Variants in CPNE4 observed in about 807,000 individuals in gnomAD.
CPNE4 encodes the protein copine-4.
CPNE4 carries 25 observed loss-of-function variants against 67.9 expected under a neutral mutation model. The ratio of observed to expected loss-of-function variants is 0.37; its 90% CI spans 0.27 to 0.51. The LOEUF is 0.51. Ranked by LOEUF, CPNE4 falls within the 20% of genes least tolerant of loss-of-function variation. The pLI is 0.93. For synonymous variants in CPNE4, 242 were observed against 244.9 expected, an observed-to-expected ratio of 0.99 and a Z score of 0.11; for missense variants, 464 against 690.8, an observed-to-expected ratio of 0.67 and a Z score of 3.68.
rs559058835 is a variant in CPNE4 at position 131,639,609 on chromosome 3, G to A, written c.681+30066C>T. On this transcript the variant is annotated intron_variant, in intron 7 of 15. Coordinates refer to ENST00000429747, the MANE Select transcript of CPNE4 (RefSeq NM_130808.3). ...AAGAACTGGTACCAATTCTATTGAC[G>A]TTATTACAAAAGACAGAGAAAGAAG... 5.3e-5 allele frequency among the ~76,000 whole-genome samples: 8 copies of A among 152,020 alleles called. No individual in the cohort carries two copies. The East Asian group carries it at 9.7e-4, about 18-fold the overall frequency.
chr3:131,652,766 T>G (rs2079846561), intron 7 of CPNE4, among the ~76,000 whole-genome samples: 1 of 152,214 alleles, frequency 6.6e-6, no homozygotes, highest in African/African-American at 2.4e-5. Flanking sequence ...CTGAGTTCTC[T>G]TCTCTGAGAA....
intron 7 of CPNE4, among the ~76,000 whole-genome samples, chr3:131,611,657 CT>C (rs112352428): frequency 0.16 from 23,269 of 145,236 alleles, 2,198 homozygotes; most frequent in African/African-American, 0.27. Flanking sequence ...TCTAGAATGT[CT>C]TTTTTTTTTT....
intron 6 of CPNE4, among the ~76,000 whole-genome samples, chr3:131,682,895 T>G (rs7639398): frequency 0.91 from 138,333 of 151,916 alleles, 63,217 homozygotes; most frequent in African/African-American, 0.98. Flanking sequence ...ACAAGCAGAG[T>G]AGCCTCTCCC....
intron 5 of CPNE4, among the ~76,000 whole-genome samples, chr3:131,694,137 A>C (rs576347424): frequency 5.9e-5 from 9 of 152,200 alleles, no homozygotes; most frequent in Non-Finnish European, 1.3e-4. Context: ...CTACATATTC[A>C]TACTTCAATT....
intron 1 of CPNE4, among the ~76,000 whole-genome samples, chr3:131,997,333 TGGTCTTCACA>T (rs2073319807): frequency 6.6e-6 from 1 of 152,160 alleles, no homozygotes. Context: ...CTGTAGAGAC[TGGTCTTCACA>T]CAGCTGAAGA....
intron 2 of CPNE4, among the ~76,000 whole-genome samples, chr3:131,797,940 A>C (rs971461308): frequency 6.6e-6 from 1 of 152,096 alleles, no homozygotes; most frequent in Non-Finnish European, 1.5e-5. Context: ...AGATATAGGT[A>C]CCCGCCAATT....
At chr3:131,766,406 A>T (rs2083016851) in intron 2 of CPNE4, among the ~76,000 whole-genome samples, 1 of 152,108 alleles carries the variant, frequency 6.6e-6, no homozygotes, top group Admixed American at 6.6e-5. Context: ...TTAGTCAAAG[A>T]TGTCATTATG....
chr3:131,836,994 T>A (rs1447174981), intron 2 of CPNE4, among the ~76,000 whole-genome samples: 1 of 152,166 alleles, frequency 6.6e-6, no homozygotes, highest in African/African-American at 2.4e-5. Flanking sequence ...CACTAGATAT[T>A]AGGAATATGC....
rs367897078 is a variant in CPNE4, at chr3:131,808,245, G to A, written c.181-84620C>T. Among the ~76,000 whole-genome samples the A allele has an allele frequency of 2.6e-5, 4 of 152,212 alleles. No homozygotes were observed. In the East Asian group the frequency reaches 5.8e-4, roughly 22 times the overall value. ...AAGAAAAAATCCCACTCACTGTTAA[G>A]AGACAAATTAATTAACAGAATTAGA... is the stretch of plus-strand genomic sequence containing the variant. On this transcript the variant is annotated intron_variant, in intron 2 of 15. Transcript: ENST00000429747.
At chr3:131,661,168 A>G (rs1223162551) in intron 7 of CPNE4, among the ~76,000 whole-genome samples, 1 of 152,216 alleles carries the variant, frequency 6.6e-6, no homozygotes, top group Non-Finnish European at 1.5e-5. Context: ...TTCAATGAGA[A>G]AATTTAATCA....
At chr3:132,020,002 C>T (rs373182356) in intron 1 of CPNE4, among the ~76,000 whole-genome samples, 6 of 152,276 alleles carry the variant, frequency 3.9e-5, no homozygotes, top group Admixed American at 2.0e-4. Flanking sequence ...AAAGTCAAAC[C>T]GATTCCAAAT....
chr3:131,960,132 G>GAGGAGAGGGAGGC (rs1560685478), intron 1 of CPNE4, among the ~76,000 whole-genome samples: 2 of 151,892 alleles, frequency 1.3e-5, no homozygotes, highest in Non-Finnish European at 2.9e-5. Context: ...GAGAGGGAGG[G>GAGGAGAGGGAGGC]AGGAGAGGGA....
At position 131,568,936 on chromosome 3, in the gene CPNE4, T is replaced by G. The variant is rs551165650; in HGVS notation, c.928-4587A>C. Among the ~76,000 whole-genome samples the G allele has an allele frequency of 3.3e-5, 5 of 152,172 alleles. No homozygotes were observed. The South Asian group carries it at 1.0e-3, about 32-fold the overall frequency. On this transcript the variant is annotated intron_variant, in intron 10 of 15. Coordinates refer to ENST00000429747, the MANE Select transcript of CPNE4 (RefSeq NM_130808.3). ...TTGGGACCACATTCTTGGGGAGCTTTCTTTCTTTTCTTTTTAAATAGCTGT... is the reference window on the plus strand; with the variant it reads ...TTGGGACCACATTCTTGGGGAGCTTGCTTTCTTTTCTTTTTAAATAGCTGT...
At chr3:131,839,328 G>C (rs2085682828) in intron 2 of CPNE4, among the ~76,000 whole-genome samples, 1 of 151,694 alleles carries the variant, frequency 6.6e-6, no homozygotes, top group Non-Finnish European at 1.5e-5. Flanking sequence ...AATCTATAAA[G>C]ATAATATTGA....
chr3:131,947,122 G>T, intron 1 of CPNE4, among the ~76,000 whole-genome samples: 1 of 152,126 alleles, frequency 6.6e-6, no homozygotes, highest in East Asian at 1.9e-4. Flanking sequence ...CATAAATTTT[G>T]AAATCAAGAA....
chr3:131,567,393 C>T (rs1937113887), intron 10 of CPNE4, among the ~76,000 whole-genome samples: 1 of 151,580 alleles, frequency 6.6e-6, no homozygotes, highest in Admixed American at 6.6e-5. Context: ...ATTGTGGCAA[C>T]AATATATTTT....
intron 15 of CPNE4, among the ~76,000 whole-genome samples, chr3:131,540,267 T>A (rs1222496986): frequency 6.6e-6 from 1 of 152,168 alleles, no homozygotes; most frequent in Non-Finnish European, 1.5e-5. Flanking sequence ...TCCTTAAAAG[T>A]AGAGTAGTAA....
intron 2 of CPNE4, among the ~76,000 whole-genome samples, chr3:131,857,379 G>A (rs918179905): frequency 3.3e-5 from 5 of 152,000 alleles, no homozygotes; most frequent in Admixed American, 2.0e-4. Context: ...ATCATTCACT[G>A]TTTGGCAGGA....
At chr3:131,657,006 G>A (rs777561459) in intron 7 of CPNE4, among the ~76,000 whole-genome samples, 30 of 152,194 alleles carry the variant, frequency 2.0e-4, no homozygotes, top group African/African-American at 3.6e-4. Flanking sequence ...AAACAAGTCC[G>A]AGAGTGTGAC....
Sources: allele counts gnomAD v4.1 joint callset (sites outside exome capture counted in the v4.1 genomes callset), GRCh38; gene constraint gnomAD v4.1.1; transcripts MANE v1.5; gene names NCBI Gene and HGNC (gene_info 2026-07-23, HGNC 2026-07-21).